SMURF1: variants seen among roughly 807,000 people sequenced by gnomAD.
SMURF1 encodes E3 ubiquitin-protein ligase SMURF1.
SMURF1 carries 44 observed loss-of-function variants against 98.0 expected under a neutral mutation model. That is an observed-to-expected ratio of 0.45 (90% CI 0.35 to 0.58). The LOEUF is 0.58. Ranked by LOEUF, SMURF1 falls within the 20% of genes least tolerant of loss-of-function variation. The pLI is 0.00. For synonymous variants in SMURF1, 396 were observed against 374.9 expected (o/e 1.06, Z -0.65); for missense variants, 687 against 938.4 (o/e 0.73, Z 3.50).
At chr7:99,108,473 G>C (rs1341258949) in intron 1 of SMURF1, among the ~76,000 whole-genome samples, 4 of 151,016 alleles carry the variant, frequency 2.6e-5, no homozygotes, top group Non-Finnish European at 5.9e-5. Flanking sequence ...TTAACCGAGC[G>C]TGGTGGTGCA....
intron 11 of SMURF1, among the ~76,000 whole-genome samples, chr7:99,043,670 C>A (rs1366682342): frequency 6.6e-6 from 1 of 152,220 alleles, no homozygotes; most frequent in South Asian, 2.1e-4. Flanking sequence ...TCATTTGGCA[C>A]ATATTTACAG....
At chr7:99,076,268 A>G (rs11772472) in intron 1 of SMURF1, among the ~76,000 whole-genome samples, 86,673 of 151,996 alleles carry the variant, frequency 0.57, 25,245 homozygotes, top group Middle Eastern at 0.64. Context: ...ATGGAAAGAG[A>G]GGAAAAAAAA....
At chr7:99,090,355 T>C (rs962827477) in intron 1 of SMURF1, among the ~76,000 whole-genome samples, 5 of 152,124 alleles carry the variant, frequency 3.3e-5, no homozygotes, top group African/African-American at 1.2e-4. Context: ...TTGGGAGCTA[T>C]AAACCTACCC....
Position 99,088,958 on chromosome 7 carries a change from C to G in SMURF1, c.56-27121G>C, listed in dbSNP as rs1187510129. ...CGCTGGCTCACGCCTGTAATCCTAGCACTATGGGAGGCTGAGGCGGGCAGA... is the reference window on the plus strand; with the variant it reads ...CGCTGGCTCACGCCTGTAATCCTAGGACTATGGGAGGCTGAGGCGGGCAGA... On this transcript the variant is annotated intron_variant, in intron 1 of 17. Transcript: ENST00000361368. 2.0e-5 allele frequency among the ~76,000 whole-genome samples: 3 copies of G among 152,172 alleles called. No individual in the cohort carries two copies. The East Asian group carries it at 5.8e-4, about 29-fold the overall frequency.
At chr7:99,059,041 G>A (rs966571261) in intron 3 of SMURF1, among the ~76,000 whole-genome samples, 3 of 152,106 alleles carry the variant, frequency 2.0e-5, no homozygotes, top group South Asian at 2.1e-4. Flanking sequence ...CCAAGATTGC[G>A]CCACTGCGCT....
chr7:99,033,256 A>G (rs1794988189), intron 16 of SMURF1, 135 bp from the exon 17 acceptor site: 3 of 803,742 alleles, frequency 3.7e-6, no homozygotes, highest in Non-Finnish European at 6.0e-6. Context: ...TGAGAGGGCC[A>G]TGAGGTTCCC....
chr7:99,076,788 TGTG>T (rs1356250675), intron 1 of SMURF1, among the ~76,000 whole-genome samples: 1 of 152,184 alleles, frequency 6.6e-6, no homozygotes, highest in African/African-American at 2.4e-5. Context: ...CGTATGTACA[TGTG>T]TGTGTGCGCA....
chr7:99,070,279 A>G (rs558811168), intron 1 of SMURF1, among the ~76,000 whole-genome samples: 1 of 152,300 alleles, frequency 6.6e-6, no homozygotes, highest in African/African-American at 2.4e-5. Context: ...GTTCCCTGCC[A>G]GCACCAAACA....
chr7:99,081,986 GTC>G (rs1282056119), intron 1 of SMURF1, among the ~76,000 whole-genome samples: 1 of 152,222 alleles, frequency 6.6e-6, no homozygotes, highest in Non-Finnish European at 1.5e-5. Context: ...CATCTAGTGA[GTC>G]TACGGGGTAT....
intron 1 of SMURF1, among the ~76,000 whole-genome samples, chr7:99,086,300 C>A (rs1273799840): frequency 6.6e-6 from 1 of 151,240 alleles, no homozygotes; most frequent in East Asian, 1.9e-4. Context: ...GAGCCAAGAT[C>A]ACACCATTGC....
chr7:99,143,476 G>A (rs1160793048), intron 1 of SMURF1, among the ~76,000 whole-genome samples: 114 of 140,818 alleles, frequency 8.1e-4, no homozygotes, highest in African/African-American at 2.7e-3. Context: ...ACGGAGATGC[G>A]AGGGGGCAGG....
At chr7:99,042,284 T>A in intron 11 of SMURF1, 52 bp from the exon 12 acceptor site, 2 of 1,353,504 alleles carry the variant, frequency 1.5e-6, no homozygotes. Context: ...TTTCTACATT[T>A]TTTTTTTTTC....
At chr7:99,038,245 A>T in intron 14 of SMURF1, 143 bp downstream of exon 14, 1 of 1,015,506 alleles carries the variant, frequency 9.8e-7, no homozygotes, top group Non-Finnish European at 1.4e-6. Flanking sequence ...TCGGTTTCTG[A>T]AAGTCGCCTC....
At chr7:99,042,281 A>G (rs751344088) in intron 11 of SMURF1, 49 bp from the exon 12 acceptor site, 14 of 1,128,962 alleles carry the variant, frequency 1.2e-5, no homozygotes, top group Middle Eastern at 2.1e-4. Context: ...AAATTTCTAC[A>G]TTTTTTTTTT....
chr7:99,113,976 A>G (rs965489243), intron 1 of SMURF1, among the ~76,000 whole-genome samples: 10 of 152,116 alleles, frequency 6.6e-5, no homozygotes, highest in African/African-American at 2.4e-4. Flanking sequence ...CTTCTTTTTA[A>G]AATATGATTT....
chr7:99,078,431 A>G (rs1187017996), intron 1 of SMURF1, among the ~76,000 whole-genome samples: 1 of 152,226 alleles, frequency 6.6e-6, no homozygotes, highest in East Asian at 1.9e-4. Flanking sequence ...GTAATGACAG[A>G]ATAGATATTT....
chr7:99,040,895 G>A (rs1249099793), intron 12 of SMURF1, among the ~76,000 whole-genome samples: 1 of 152,120 alleles, frequency 6.6e-6, no homozygotes, highest in African/African-American at 2.4e-5. Context: ...TGACACTGCA[G>A]GGCCTCGGCA....
At position 99,047,711 on chromosome 7, in the gene SMURF1, G is replaced by A. The variant is rs766644398; in HGVS notation, c.1125C>T (p.Ile375=). The part of the protein sequence containing the change: ...LQQPQAGHCR[I]EVSREEIFEE... The stretch of plus-strand genomic sequence containing the variant: ...CAAAGATTTCTTCTCTGGACACTTC[G>A]ATGCGGCAATGACCAGCTTGGGGCT... The change falls in exon 10 of 18, where the codon ATC becomes ATT. Residue 375 remains isoleucine (I), a synonymous_variant. Transcript: ENST00000361368. The A allele has an allele frequency of 2.0e-5, 32 of 1,614,102 alleles. No homozygotes were observed. Among genetic ancestry groups the A allele is most frequent in the African/African-American group, 2.7e-5 (2 of 74,936 alleles).
intron 1 of SMURF1, among the ~76,000 whole-genome samples, chr7:99,064,116 C>T (rs188135501): frequency 6.6e-6 from 1 of 152,304 alleles, no homozygotes; most frequent in African/African-American, 2.4e-5. Context: ...GTGAGATAAA[C>T]TCAACTTGGT....
Sources: gnomAD v4.1 joint callset for allele counts (sites outside exome capture counted in the v4.1 genomes callset) on GRCh38, gnomAD v4.1.1 for gene constraint, MANE v1.5 for transcripts, NCBI Gene and HGNC (gene_info 2026-07-23, HGNC 2026-07-21) for gene names.